PATJ: variants seen among roughly 807,000 people sequenced by gnomAD.
The protein encoded by PATJ is PATJ crumbs cell polarity complex component.
PATJ carries 190 observed loss-of-function variants against 224.9 expected under a neutral mutation model. That is an observed-to-expected ratio of 0.84 (90% confidence interval 0.75 to 0.95). The LOEUF (loss-of-function observed/expected upper bound fraction) is 0.95, where lower values mean the gene tolerates loss of function less well. Ranked by LOEUF, PATJ falls within the 40% of genes least tolerant of loss-of-function variation. The pLI is 0.00. For missense variants in PATJ, 2,121 were observed against 2,270.3 expected, an observed-to-expected ratio of 0.93 and a Z score of 1.34; for synonymous variants, 769 against 820.3, an observed-to-expected ratio of 0.94 and a Z score of 1.07.
intron 29 of PATJ, among the ~76,000 whole-genome samples, chr1:62,020,296 A>C (rs187715304): frequency 2.6e-5 from 4 of 152,314 alleles, no homozygotes; most frequent in African/African-American, 9.6e-5. Context: ...ATGCAATGTA[A>C]ATGTACATTT....
intron 41 of PATJ, among the ~76,000 whole-genome samples, chr1:62,144,796 A>ATAT (rs1204098847): frequency 2.1e-5 from 3 of 145,080 alleles, no homozygotes; most frequent in Non-Finnish European, 1.5e-5. Context: ...ATATATATAT[A>ATAT]ATTAGCAGAA....
intron 22 of PATJ, among the ~76,000 whole-genome samples, chr1:61,893,334 T>C (rs116993995): frequency 6.6e-6 from 1 of 152,358 alleles, no homozygotes; most frequent in East Asian, 1.9e-4. Flanking sequence ...AAATTGTTCA[T>C]ATTCTAGATA....
chr1:61,896,161 G>T (rs1670334045), intron 22 of PATJ, among the ~76,000 whole-genome samples: 1 of 152,134 alleles, frequency 6.6e-6, no homozygotes, highest in Non-Finnish European at 1.5e-5. Flanking sequence ...GCCAGGTGTG[G>T]TGGTGTGCAC....
At chr1:62,136,318 C>A (rs953991463) in intron 41 of PATJ, among the ~76,000 whole-genome samples, 3 of 151,902 alleles carry the variant, frequency 2.0e-5, no homozygotes, top group Non-Finnish European at 4.4e-5. Context: ...AGGTGTGAGC[C>A]GCCACGCCCA....
chr1:61,948,334 C>T (rs1044411701), intron 27 of PATJ, among the ~76,000 whole-genome samples: 2 of 152,110 alleles, frequency 1.3e-5, no homozygotes, highest in Non-Finnish European at 2.9e-5. Flanking sequence ...GGCTAATATC[C>T]AGAATCTACA....
intron 31 of PATJ, among the ~76,000 whole-genome samples, chr1:62,058,276 C>A (rs1305089952): frequency 6.6e-6 from 1 of 152,212 alleles, no homozygotes; most frequent in East Asian, 1.9e-4. Context: ...CACACTGCAG[C>A]TGACCGTGCA....
chr1:61,998,004 T>TATATATATATATATATA lies in PATJ; in HGVS notation c.3867+7640_3867+7641insATATATATATATATATA, dbSNP rs1342142560. Among the ~76,000 whole-genome samples the TATATATATATATATATA allele has an allele frequency of 9.0e-4, 94 of 104,582 alleles. 2 individuals carry two copies. Among genetic ancestry groups the TATATATATATATATATA allele is most frequent in the African/African-American group, 4.3e-3 (90 of 21,076 alleles). The allele number at this position is 104,582 out of a possible 152,430, so 68.6% of individuals were successfully genotyped here. A position where few individuals can be genotyped will look rare whatever the true frequency, so the allele number is the denominator to read the frequency against. ...AGCTTATATATGTATATATAATATA[T>TATATATATATATATATA]TATATATATTAATTATATATAATAT... is the stretch of plus-strand genomic sequence containing the variant. On this transcript the variant is annotated intron_variant, in intron 28 of 43. Coordinates refer to ENST00000642238, the MANE Select transcript of PATJ (RefSeq NM_001350145.3).
chr1:62,150,679 G>GACAAAAA (rs1668532657), intron 42 of PATJ, among the ~76,000 whole-genome samples: 1 of 82,008 alleles, frequency 1.2e-5, no homozygotes, highest in Non-Finnish European at 2.2e-5. Flanking sequence ...CCTGTCTCAA[G>GACAAAAA]AAAAAAAAAA....
At chr1:62,051,669 A>G (rs771176560) in intron 31 of PATJ, among the ~76,000 whole-genome samples, 9 of 152,090 alleles carry the variant, frequency 5.9e-5, no homozygotes, top group Non-Finnish European at 1.3e-4. Flanking sequence ...GGATTTTTAT[A>G]AGGCCAGAGC....
At chr1:61,831,271 T>C (rs1466617782) in intron 16 of PATJ, among the ~76,000 whole-genome samples, 1 of 151,686 alleles carries the variant, frequency 6.6e-6, no homozygotes, top group African/African-American at 2.4e-5. Context: ...ATATTGGCCT[T>C]GGCAAAGATT....
intron 27 of PATJ, among the ~76,000 whole-genome samples, chr1:61,971,010 G>A (rs1296223688): frequency 1.3e-5 from 2 of 152,160 alleles, no homozygotes; most frequent in African/African-American, 4.8e-5. Context: ...CATTCTTTAA[G>A]AAAATTGCCA....
At chr1:62,050,151 A>C (rs1333035693) in intron 30 of PATJ, among the ~76,000 whole-genome samples, 2 of 151,002 alleles carry the variant, frequency 1.3e-5, no homozygotes, top group Non-Finnish European at 2.9e-5. Flanking sequence ...CATTTATTAA[A>C]TTTTAAAGAA....
At position 61,805,446 on chromosome 1, in the gene PATJ, A is replaced by G. The variant is rs1313351108; in HGVS notation, c.1550-2A>G. ...CTCTCTCTCTTTTTTTTTAATATCC[A>G]GAAAAAGTCCCAGACTCTCCAGAAA... On this transcript the variant is annotated splice_acceptor_variant, in intron 12 of 43. Coordinates refer to ENST00000642238, the MANE Select transcript of PATJ (RefSeq NM_001350145.3). LOFTEE classifies it high-confidence loss of function. 4 of 1,590,322 alleles carry G rather than the reference A, an allele frequency of 2.5e-6. No individual in the cohort carries two copies. The highest frequency in any genetic ancestry group is 2.6e-6 in the Non-Finnish European group (3 of 1,160,152).
At chr1:62,154,728 A>G (rs1243764057) in intron 43 of PATJ, among the ~76,000 whole-genome samples, 1 of 152,044 alleles carries the variant, frequency 6.6e-6, no homozygotes, top group Non-Finnish European at 1.5e-5. Context: ...GTCTCTTTCC[A>G]GAAAGCTAAA....
intron 1 of PATJ, among the ~76,000 whole-genome samples, chr1:61,759,535 A>G (rs1328419559): frequency 1.3e-5 from 2 of 150,510 alleles, no homozygotes; most frequent in Non-Finnish European, 1.5e-5. Context: ...TCAGCCTCCC[A>G]AGTAGCTGGG....
At chr1:62,084,449 G>A in intron 32 of PATJ, 66 bp from the exon 33 acceptor site, 1 of 1,531,602 alleles carries the variant, frequency 6.5e-7, no homozygotes, top group South Asian at 1.3e-5. Flanking sequence ...CTCCCCACGT[G>A]ATGGAACGTG....
Position 61,800,193 on chromosome 1 carries a change from T to C in PATJ, c.1403-1430T>C, listed in dbSNP as rs1372144701. The stretch of plus-strand genomic sequence containing the variant: ...ATACTGTTTTCCACATCGACAGAAG[T>C]TGTACTAATTTACATCCCCACCAAC... On this transcript the variant is annotated intron_variant, in intron 11 of 43. Coordinates refer to ENST00000642238, the MANE Select transcript of PATJ (RefSeq NM_001350145.3). Among the ~76,000 whole-genome samples, 11 of 152,350 alleles carry C rather than the reference T, an allele frequency of 7.2e-5. No individual in the cohort carries two copies. The South Asian group carries it at 1.9e-3, about 26-fold the overall frequency.
intron 14 of PATJ, among the ~76,000 whole-genome samples, chr1:61,813,378 T>TATACAC (rs1376176032): frequency 6.5e-5 from 3 of 46,352 alleles, no homozygotes; most frequent in East Asian, 6.5e-4. Flanking sequence ...TATATATATA[T>TATACAC]ACACACACAC....
chr1:62,106,122 ACACAC>A (rs2148858920), intron 33 of PATJ, among the ~76,000 whole-genome samples: 1 of 101,826 alleles, frequency 9.8e-6, no homozygotes. Flanking sequence ...ACACACACAA[ACACAC>A]ATATATACAT....
Sources: allele counts gnomAD v4.1 joint callset (sites outside exome capture counted in the v4.1 genomes callset), GRCh38; gene constraint gnomAD v4.1.1; transcripts MANE v1.5; gene names NCBI Gene and HGNC (gene_info 2026-07-23, HGNC 2026-07-21).